Variants in CIMIP2A observed in about 807,000 individuals in gnomAD.
The protein encoded by CIMIP2A is family with sequence similarity 166 member A.
the CIMIP2A span, chr9:137,250,665 G>A: frequency 1.9e-3 from 296 of 154,512 alleles, 3 homozygotes; most frequent in East Asian, 0.017. Context: ...CTGGCAGCCC[G>A]GCCATCTGTG....
At chr9:137,243,751 G>A in the CIMIP2A span, 1 of 1,614,120 alleles carries the variant, frequency 6.2e-7, no homozygotes, top group African/African-American at 1.3e-5. Flanking sequence ...CCCTCCGGGT[G>A]CTGTTGCCGA....
the CIMIP2A span, chr9:137,251,816 G>A: frequency 3.7e-5 from 60 of 1,603,286 alleles, no homozygotes; most frequent in Middle Eastern, 6.6e-4. Context: ...AGATGAAGGA[G>A]ATCCCAGTTG....
chr9:137,255,074 C>A, the CIMIP2A span: 1 of 157,332 alleles, frequency 6.4e-6, no homozygotes, highest in Non-Finnish European at 1.4e-5. Flanking sequence ...ACACGAAATT[C>A]ACTCGGCTGC....
At chr9:137,244,549 C>A in the CIMIP2A span, 76 of 1,555,396 alleles carry the variant, frequency 4.9e-5, no homozygotes, top group Admixed American at 1.9e-4. Flanking sequence ...TCTCAGGGAA[C>A]CTGGCCTTCA....
chr9:137,252,138 G>T, the CIMIP2A span: 49 of 1,604,794 alleles, frequency 3.1e-5, no homozygotes, highest in East Asian at 8.0e-4. Flanking sequence ...GGGCCGAGGT[G>T]TGTGTCCCCT....
At chr9:137,244,735 G>C in the CIMIP2A span, 1 of 1,612,750 alleles carries the variant, frequency 6.2e-7, no homozygotes, top group Non-Finnish European at 8.5e-7. Context: ...AGCCAGCATA[G>C]CCTGGGGGTA....
chr9:137,247,277 C>T, the CIMIP2A span, among the ~76,000 whole-genome samples: 178 of 152,304 alleles, frequency 1.2e-3, 1 homozygote, highest in East Asian at 0.017. Flanking sequence ...AAGAGCGAAA[C>T]TCTGTCTCAA....
the CIMIP2A span, among the ~76,000 whole-genome samples, chr9:137,254,450 A>C: frequency 2.6e-5 from 4 of 152,220 alleles, no homozygotes; most frequent in African/African-American, 7.2e-5. Flanking sequence ...TGAGACCCAA[A>C]GCTAGGAGTG....
the CIMIP2A span, among the ~76,000 whole-genome samples, chr9:137,254,709 C>A: frequency 2.6e-5 from 4 of 152,132 alleles, no homozygotes; most frequent in Non-Finnish European, 2.9e-5. Context: ...GGAGCCCACC[C>A]GCCTGGGATA....
the CIMIP2A span, chr9:137,251,666 G>C: frequency 9.9e-6 from 15 of 1,509,122 alleles, no homozygotes; most frequent in Non-Finnish European, 1.2e-5. Context: ...GGACAATAGA[G>C]GGGACAGGCT....
the CIMIP2A span, chr9:137,251,946 G>A: frequency 2.5e-6 from 4 of 1,596,628 alleles, no homozygotes; most frequent in Admixed American, 1.7e-5. Context: ...TTGGGGGGCT[G>A]TGGGAGGGGC....
At chr9:137,249,514 C>T in the CIMIP2A span, among the ~76,000 whole-genome samples, 11,788 of 151,930 alleles carry the variant, frequency 0.078, 680 homozygotes, top group East Asian at 0.3. Flanking sequence ...TTGGGGGGTG[C>T]GGGCGGGGGA....
chr9:137,246,006 G>A, the CIMIP2A span, among the ~76,000 whole-genome samples: 66 of 152,338 alleles, frequency 4.3e-4, no homozygotes, highest in South Asian at 8.3e-4. Flanking sequence ...ACCTGTAAAT[G>A]GGGCTGCAGT....
chr9:137,249,592 TGGGTCTTAAGACCCTTCCAG>T, the CIMIP2A span, among the ~76,000 whole-genome samples: 1 of 152,198 alleles, frequency 6.6e-6, no homozygotes, highest in Non-Finnish European at 1.5e-5. Context: ...TTTCTGACTG[TGGGTCTTAAGACCCTTCCAG>T]GAGAGGTCCC....
At chr9:137,243,936 C>G in the CIMIP2A span, 2 of 1,004,676 alleles carry the variant, frequency 2.0e-6, no homozygotes, top group East Asian at 4.9e-5. Context: ...CAGGCCTGTC[C>G]TGTTCCAGGT....
the CIMIP2A span, chr9:137,244,454 G>A: frequency 3.3e-6 from 5 of 1,504,896 alleles, no homozygotes; most frequent in South Asian, 1.3e-5. Flanking sequence ...TTGAGTGCAG[G>A]GATCCAAGCA....
At chr9:137,253,211 A>G in the CIMIP2A span, 1 of 1,608,854 alleles carries the variant, frequency 6.2e-7, no homozygotes, top group Admixed American at 1.7e-5. Context: ...CGCAGACCCA[A>G]GCGCCACGAC....
At chr9:137,247,581 C>T in the CIMIP2A span, 1 of 1,357,212 alleles carries the variant, frequency 7.4e-7, no homozygotes, top group Non-Finnish European at 1.0e-6. Flanking sequence ...TCACAGCTGG[C>T]CTCCATGCCT....
the CIMIP2A span, chr9:137,253,517 G>C: frequency 2.1e-6 from 3 of 1,413,928 alleles, no homozygotes; most frequent in East Asian, 2.6e-5. Context: ...TCCTTCACCC[G>C]GGGGCGGTCC....
Sources: gnomAD v4.1 joint callset for allele counts (sites outside exome capture counted in the v4.1 genomes callset) on GRCh38, gnomAD v4.1.1 for gene constraint, MANE v1.5 for transcripts, NCBI Gene and HGNC (gene_info 2026-07-23, HGNC 2026-07-21) for gene names.